The following RERE variants were observed in gnomAD, a reference collection of about 807,000 sequenced individuals.
RERE encodes arginine-glutamic acid dipeptide repeats.
In RERE, 40 loss-of-function variants were observed where a neutral mutation model predicts 146.1. That is an observed-to-expected ratio of 0.27 (90% CI 0.21 to 0.36). The LOEUF (loss-of-function observed/expected upper bound fraction) is 0.36, where lower values mean the gene tolerates loss of function less well. RERE is among the 10% of genes least tolerant of loss of function. RERE has a pLI of 1.00. For missense variants in RERE, 1,933 were observed against 2,138.7 expected, an observed-to-expected ratio of 0.90 and a Z score of 1.90; for synonymous variants, 1,003 against 866.0, an observed-to-expected ratio of 1.16 and a Z score of -2.78.
chr1:8,379,875 T>C (rs912458885), intron 12 of RERE, among the ~76,000 whole-genome samples: 1 of 152,116 alleles, frequency 6.6e-6, no homozygotes, highest in Non-Finnish European at 1.5e-5. Flanking sequence ...CGCTGTGTAG[T>C]GGGGAAGCCT....
At position 8,362,686 on chromosome 1, in the gene RERE, G is replaced by A; in HGVS notation, c.1899C>T (p.Ala633=). ...DSKAETVKKS[A]KKVKEEASSP... is the part of the protein sequence containing the mutation. ...TACTATCCCCCCAGCACCTGACCTTGGCCGACTTCTTCACTGTCTCTGCTT... is the reference window on the plus strand; with the variant it reads ...TACTATCCCCCCAGCACCTGACCTTAGCCGACTTCTTCACTGTCTCTGCTT... The change falls in exon 16 of 23, where the codon GCC becomes GCT. Residue 633 remains alanine, a synonymous_variant. Coordinates refer to ENST00000400908, the MANE Select transcript of RERE (RefSeq NM_001042681.2). 3 of 1,614,224 alleles carry A rather than the reference G, an allele frequency of 1.9e-6. No homozygotes were observed. The highest frequency in any genetic ancestry group is 2.5e-6 in the Non-Finnish European group (3 of 1,180,050).
intron 10 of RERE, among the ~76,000 whole-genome samples, chr1:8,485,961 G>A (rs533528480): frequency 7.9e-5 from 12 of 152,012 alleles, no homozygotes; most frequent in South Asian, 2.1e-4. Flanking sequence ...CACCACACCC[G>A]GCTAATTTTT....
At chr1:8,530,646 G>A (rs529259805) in intron 7 of RERE, among the ~76,000 whole-genome samples, 10 of 148,924 alleles carry the variant, frequency 6.7e-5, no homozygotes, top group African/African-American at 1.5e-4. Flanking sequence ...TAATTGCCCC[G>A]CATATCTAGA....
chr1:8,806,921 A>G (rs1291631225), intron 1 of RERE: 1 of 152,232 alleles, frequency 6.6e-6, no homozygotes, highest in Non-Finnish European at 1.5e-5. Context: ...TCCTGTTACC[A>G]AAATTAGCAT....
chr1:8,782,260 C>T (rs1353563606), intron 1 of RERE, among the ~76,000 whole-genome samples: 3 of 152,020 alleles, frequency 2.0e-5, no homozygotes, highest in Non-Finnish European at 4.4e-5. Flanking sequence ...ACCCCTCCTG[C>T]TTGAATACGT....
intron 4 of RERE, among the ~76,000 whole-genome samples, chr1:8,596,107 A>C (rs1646552644): frequency 6.6e-6 from 1 of 152,246 alleles, no homozygotes; most frequent in African/African-American, 2.4e-5. Context: ...ATTTGTTTAC[A>C]AATTGTCTAT....
rs532568087 is a variant in RERE, at chr1:8,741,463, A to G, written c.-145+75697T>C. Among the ~76,000 whole-genome samples, 4 of 152,284 alleles carry G rather than the reference A, an allele frequency of 2.6e-5. No individual in the cohort carries two copies. In the South Asian group the frequency reaches 8.3e-4, roughly 32 times the overall value. On this transcript the variant is annotated intron_variant, in intron 1 of 22. Coordinates refer to ENST00000400908, the MANE Select transcript of RERE (RefSeq NM_001042681.2). ...ATAATCCTCATAATCCCCACATGTCAAGAGAGAGACCAGGTGGAGGTAACT... is the reference window on the plus strand; with the variant it reads ...ATAATCCTCATAATCCCCACATGTCGAGAGAGAGACCAGGTGGAGGTAACT...
chr1:8,355,835 A>C (rs1641267851), intron 21 of RERE, among the ~76,000 whole-genome samples: 2 of 152,046 alleles, frequency 1.3e-5, no homozygotes, highest in African/African-American at 4.8e-5. Context: ...CCTCAGCCCA[A>C]GTGCTTCTCC....
At chr1:8,474,986 T>C (rs933373666) in intron 10 of RERE, among the ~76,000 whole-genome samples, 1 of 152,238 alleles carries the variant, frequency 6.6e-6, no homozygotes, top group Non-Finnish European at 1.5e-5. Context: ...GTATTTGGAA[T>C]AAATCTTAAA....
chr1:8,803,551 A>G (rs1365467855), intron 1 of RERE, among the ~76,000 whole-genome samples: 2 of 152,110 alleles, frequency 1.3e-5, no homozygotes, highest in Non-Finnish European at 2.9e-5. Flanking sequence ...TATAATCCCA[A>G]GTTACTAAAG....
intron 1 of RERE, among the ~76,000 whole-genome samples, chr1:8,705,395 C>G (rs1314866528): frequency 1.3e-5 from 2 of 152,134 alleles, no homozygotes; most frequent in Non-Finnish European, 2.9e-5. Flanking sequence ...CTTCTTCCCA[C>G]CAGAGCAGGA....
At chr1:8,477,757 A>C (rs970337133) in intron 10 of RERE, among the ~76,000 whole-genome samples, 1 of 152,210 alleles carries the variant, frequency 6.6e-6, no homozygotes, top group African/African-American at 2.4e-5. Context: ...CCCCCAATCC[A>C]AGGGCTCAGC....
At chr1:8,502,031 A>G (rs1200963043) in intron 8 of RERE, among the ~76,000 whole-genome samples, 1 of 56,304 alleles carries the variant, frequency 1.8e-5, no homozygotes. Context: ...TCCGGGAGGG[A>G]GGTGGGGGGG....
In RERE at chr1:8,423,127, A is replaced by C; in HGVS notation, c.1204-320T>G. 3.6e-6 allele frequency: 1 copy of C among 280,358 alleles called. No individual in the cohort carries two copies. The highest frequency in any genetic ancestry group is 7.0e-6 in the Non-Finnish European group (1 of 143,572). The allele number at this position is 280,358 out of a possible 1,614,324, so 17.4% of individuals were successfully genotyped here. A position where few individuals can be genotyped will look rare whatever the true frequency, so the allele number is the denominator to read the frequency against. ...CACATTCTGGTGCACGAAGGTATAAATATGCTCCATGTTTTAATAAAACAC... is the reference window on the plus strand; with the variant it reads ...CACATTCTGGTGCACGAAGGTATAACTATGCTCCATGTTTTAATAAAACAC... On this transcript the variant is annotated intron_variant, in intron 11 of 22. Transcript: ENST00000400908. This position sits in a 1 kb window ranked among gnomAD's most constrained non-coding sequence, Gnocchi z 5.4.
intron 10 of RERE, among the ~76,000 whole-genome samples, chr1:8,476,532 CAAAAAA>C (rs1403842502): frequency 6.6e-6 from 1 of 152,030 alleles, no homozygotes; most frequent in African/African-American, 2.4e-5. Flanking sequence ...AACAAACTAA[CAAAAAA>C]ATCCCCATCC....
At chr1:8,466,416 C>T (rs1329210977) in intron 10 of RERE, among the ~76,000 whole-genome samples, 1 of 151,998 alleles carries the variant, frequency 6.6e-6, no homozygotes, top group East Asian at 1.9e-4. Context: ...GCTATCATCG[C>T]CCTACTTCAC....
At chr1:8,760,573 C>G (rs1167014022) in intron 1 of RERE, among the ~76,000 whole-genome samples, 1 of 152,122 alleles carries the variant, frequency 6.6e-6, no homozygotes, top group Non-Finnish European at 1.5e-5. Flanking sequence ...GAACAGGTAA[C>G]TGAATTTGGA....
chr1:8,493,597 G>C (rs921082997), intron 10 of RERE, among the ~76,000 whole-genome samples: 5 of 152,010 alleles, frequency 3.3e-5, no homozygotes, highest in African/African-American at 7.2e-5. Flanking sequence ...CCTCTGTTAG[G>C]AACTTTTGGG....
chr1:8,694,841 T>C (rs1639288056), intron 1 of RERE, among the ~76,000 whole-genome samples: 2 of 152,018 alleles, frequency 1.3e-5, no homozygotes, highest in South Asian at 4.1e-4. Context: ...ATGACCACAC[T>C]TTCCTAAGCA....
Sources: allele counts gnomAD v4.1 joint callset (sites outside exome capture counted in the v4.1 genomes callset), GRCh38; gene constraint gnomAD v4.1.1; non-coding constraint Gnocchi (gnomAD v3.1); transcripts MANE v1.5; gene names NCBI Gene and HGNC (gene_info 2026-07-23, HGNC 2026-07-21).